Variants in KHDRBS2 observed in about 807,000 individuals in gnomAD.
The protein encoded by KHDRBS2 is KH RNA binding domain containing, signal transduction associated 2, also known as KH domain-containing, RNA-binding, signal transduction-associated protein 2.
A neutral mutation model predicts 44.3 loss-of-function variants in KHDRBS2; 26 were observed. That is an observed-to-expected ratio of 0.59 (90% CI 0.43 to 0.81). The LOEUF (loss-of-function observed/expected upper bound fraction) is 0.81. Among genes scored for constraint, KHDRBS2 ranks in the 40% least tolerant of loss-of-function variants. The pLI, the probability that KHDRBS2 is intolerant of heterozygous loss-of-function variation, is 0.00. For synonymous variants in KHDRBS2, 194 were observed against 151.1 expected (o/e 1.28, Z -2.08); for missense variants, 476 against 433.1 (o/e 1.10, Z -0.88).
intron 6 of KHDRBS2, among the ~76,000 whole-genome samples, chr6:61,890,905 A>G (rs146406474): frequency 2.0e-5 from 3 of 152,346 alleles, no homozygotes; most frequent in Non-Finnish European, 4.4e-5. Flanking sequence ...AGATACTTAG[A>G]TGAACACATT....
intron 2 of KHDRBS2, among the ~76,000 whole-genome samples, chr6:62,112,326 C>T (rs1021587001): frequency 6.6e-6 from 1 of 152,166 alleles, no homozygotes; most frequent in East Asian, 1.9e-4. Context: ...ATGGAAGAGC[C>T]AAATTAAAGC....
At chr6:62,251,752 T>C (rs1362510345) in intron 1 of KHDRBS2, among the ~76,000 whole-genome samples, 1 of 151,894 alleles carries the variant, frequency 6.6e-6, no homozygotes, top group Non-Finnish European at 1.5e-5. Context: ...TTTGATGTAA[T>C]CACACAATAT....
intron 4 of KHDRBS2, among the ~76,000 whole-genome samples, chr6:61,965,421 G>C (rs142246391): frequency 1.3e-5 from 2 of 152,200 alleles, no homozygotes; most frequent in East Asian, 3.9e-4. Context: ...CAAAAGTCAA[G>C]TTGGGTTTGG....
At chr6:62,123,875 TATCA>T (rs1808315597) in intron 2 of KHDRBS2, among the ~76,000 whole-genome samples, 1 of 152,232 alleles carries the variant, frequency 6.6e-6, no homozygotes, top group Non-Finnish European at 1.5e-5. Flanking sequence ...CATTTGCATT[TATCA>T]ATTAAAATAT....
chr6:62,049,834 T>C (rs563616741), intron 2 of KHDRBS2, among the ~76,000 whole-genome samples: 2 of 152,190 alleles, frequency 1.3e-5, no homozygotes, highest in South Asian at 4.1e-4. Context: ...GCTTTTATAC[T>C]GTTGGTGGGA....
chr6:62,174,317 A>T (rs1356802450), intron 2 of KHDRBS2, among the ~76,000 whole-genome samples: 1 of 151,688 alleles, frequency 6.6e-6, no homozygotes, highest in East Asian at 1.9e-4. Context: ...CAATGGCCAT[A>T]AAAAAACTAG....
chr6:61,739,646 T>A (rs1296559513), intron 6 of KHDRBS2, among the ~76,000 whole-genome samples: 2 of 151,938 alleles, frequency 1.3e-5, no homozygotes, highest in Non-Finnish European at 2.9e-5. Flanking sequence ...TCTCCATAGC[T>A]TTCTTACATT....
At chr6:62,280,899 T>G (rs1480033271) in intron 1 of KHDRBS2, among the ~76,000 whole-genome samples, 3 of 152,150 alleles carry the variant, frequency 2.0e-5, no homozygotes, top group Non-Finnish European at 2.9e-5. Context: ...TTTGGTCTTC[T>G]GGGAATGAAA....
chr6:62,037,585 C>T (rs553663728), intron 3 of KHDRBS2, among the ~76,000 whole-genome samples: 84 of 151,994 alleles, frequency 5.5e-4, no homozygotes, highest in African/African-American at 2.0e-3. Context: ...TATTGAGGAA[C>T]AGGAAGCAGC....
intron 3 of KHDRBS2, among the ~76,000 whole-genome samples, chr6:62,008,094 T>A (rs1779597218): frequency 6.6e-6 from 1 of 152,172 alleles, no homozygotes; most frequent in Non-Finnish European, 1.5e-5. Context: ...TATTCCTGAT[T>A]AAAACACCAC....
intron 2 of KHDRBS2, among the ~76,000 whole-genome samples, chr6:62,114,578 G>C (rs923521377): frequency 6.6e-6 from 1 of 152,062 alleles, no homozygotes; most frequent in Non-Finnish European, 1.5e-5. Context: ...ATTATATTAT[G>C]ATCTAAGTGA....
chr6:61,942,756 T>G (rs542700857), intron 4 of KHDRBS2, among the ~76,000 whole-genome samples: 1 of 152,088 alleles, frequency 6.6e-6, no homozygotes. Flanking sequence ...AAAGAGGTCC[T>G]CTCTACAGCA....
intron 6 of KHDRBS2, among the ~76,000 whole-genome samples, chr6:61,782,393 G>A (rs992154881): frequency 7.9e-5 from 12 of 151,832 alleles, no homozygotes; most frequent in African/African-American, 2.4e-5. Context: ...TTTTTGAAGG[G>A]CTCAAATATA....
intron 6 of KHDRBS2, among the ~76,000 whole-genome samples, chr6:61,892,116 CAG>C (rs1413322019): frequency 2.6e-5 from 4 of 152,098 alleles, no homozygotes; most frequent in Non-Finnish European, 5.9e-5. Context: ...AACAGACAAA[CAG>C]AGAGCCAAAT....
chr6:62,150,230 C>A (rs1280868512), intron 2 of KHDRBS2, among the ~76,000 whole-genome samples: 3 of 151,826 alleles, frequency 2.0e-5, no homozygotes, highest in African/African-American at 4.8e-5. Flanking sequence ...TCAGTAATGG[C>A]CCTGACAGTA....
chr6:61,998,715 A>G (rs1281894441), intron 3 of KHDRBS2, among the ~76,000 whole-genome samples: 1 of 152,048 alleles, frequency 6.6e-6, no homozygotes, highest in Non-Finnish European at 1.5e-5. Context: ...CAATAATTAA[A>G]AAGGTCACCT....
intron 4 of KHDRBS2, among the ~76,000 whole-genome samples, chr6:61,949,035 C>A (rs1426713308): frequency 6.6e-6 from 1 of 152,052 alleles, no homozygotes; most frequent in East Asian, 1.9e-4. Context: ...TCTTCCTTCC[C>A]TCTTTTGGGA....
chr6:61,858,732 A>C (rs1214691983), intron 6 of KHDRBS2, among the ~76,000 whole-genome samples: 1 of 151,918 alleles, frequency 6.6e-6, no homozygotes, highest in African/African-American at 2.4e-5. Context: ...GGAAATCAGT[A>C]GGTTTAAAAA....
intron 2 of KHDRBS2, among the ~76,000 whole-genome samples, chr6:62,064,814 CA>C (rs1422609638): frequency 2.6e-5 from 4 of 151,474 alleles, no homozygotes; most frequent in Non-Finnish European, 5.9e-5. Context: ...TTCTGCACAG[CA>C]AAAGAAACTA....
Sources: gnomAD v4.1 joint callset for allele counts (sites outside exome capture counted in the v4.1 genomes callset) on GRCh38, gnomAD v4.1.1 for gene constraint, MANE v1.5 for transcripts, NCBI Gene and HGNC (gene_info 2026-07-23, HGNC 2026-07-21) for gene names.